NFIB: variants seen among roughly 807,000 people sequenced by gnomAD.
The protein encoded by NFIB is nuclear factor I B.
In NFIB, 11 loss-of-function variants were observed where a neutral mutation model predicts 61.5. The ratio of observed to expected loss-of-function variants is 0.18; its 90% CI spans 0.11 to 0.30. The LOEUF (loss-of-function observed/expected upper bound fraction) is 0.30. Among genes scored for constraint, NFIB ranks in the 10% least tolerant of loss-of-function variants. NFIB has a pLI of 1.00. For synonymous variants in NFIB, 260 were observed against 216.5 expected (o/e 1.20, Z -1.76); for missense variants, 471 against 608.9 (o/e 0.77, Z 2.38).
At chr9:14,090,009 T>C (rs1225423045) in intron 10 of NFIB, among the ~76,000 whole-genome samples, 2 of 151,720 alleles carry the variant, frequency 1.3e-5, no homozygotes, top group Non-Finnish European at 2.9e-5. Flanking sequence ...GTAAAGTACC[T>C]AGCACATGGA....
the NFIB span, among the ~76,000 whole-genome samples, chr9:14,506,590 T>C: frequency 6.6e-6 from 1 of 152,110 alleles, no homozygotes; most frequent in African/African-American, 2.4e-5. Context: ...GGAAAATAAA[T>C]ATGGAGAGAT....
At chr9:14,167,305 G>A (rs2044962458) in intron 3 of NFIB, among the ~76,000 whole-genome samples, 1 of 152,142 alleles carries the variant, frequency 6.6e-6, no homozygotes, top group African/African-American at 2.4e-5. Context: ...CACTCTAGGA[G>A]GCCGAGGCAG....
At chr9:14,452,239 C>A in the NFIB span, among the ~76,000 whole-genome samples, 3,357 of 152,050 alleles carry the variant, frequency 0.022, 48 homozygotes, top group Non-Finnish European at 0.034. Flanking sequence ...GAGGTATGAG[C>A]TACTAAAATT....
At chr9:14,502,180 T>C in the NFIB span, among the ~76,000 whole-genome samples, 1 of 152,214 alleles carries the variant, frequency 6.6e-6, no homozygotes, top group East Asian at 1.9e-4. Flanking sequence ...CACTCTGTAA[T>C]CAAACCCCTT....
chr9:14,504,456 A>T, the NFIB span, among the ~76,000 whole-genome samples: 1 of 152,204 alleles, frequency 6.6e-6, no homozygotes, highest in Non-Finnish European at 1.5e-5. Flanking sequence ...CTACCCATTC[A>T]TGAGCATGGG....
upstream of NFIB, among the ~76,000 whole-genome samples, chr9:14,316,848 A>G (rs925917920): frequency 1.3e-5 from 2 of 152,200 alleles, no homozygotes; most frequent in Admixed American, 6.5e-5. Flanking sequence ...CAAATATTCA[A>G]TTTAACTGGA....
chr9:14,167,083 C>CG (rs71491636), intron 3 of NFIB, among the ~76,000 whole-genome samples: 19,624 of 104,134 alleles, frequency 0.19, 2,827 homozygotes, highest in Middle Eastern at 0.23. Flanking sequence ...GTGTGTGTGT[C>CG]GGGGGGGGGG....
chr9:14,315,706 A>G (rs1407303032), upstream of NFIB, among the ~76,000 whole-genome samples: 1 of 150,674 alleles, frequency 6.6e-6, no homozygotes, highest in Non-Finnish European at 1.5e-5. Flanking sequence ...GATTTTGAAG[A>G]AGGCGGTTCG....
At chr9:14,240,891 A>C (rs1048820179) in intron 2 of NFIB, among the ~76,000 whole-genome samples, 6 of 152,206 alleles carry the variant, frequency 3.9e-5, no homozygotes, top group Non-Finnish European at 8.8e-5. Context: ...TAGCATTGGC[A>C]AGTGACAGCG....
intron 10 of NFIB, among the ~76,000 whole-genome samples, chr9:14,112,596 A>T (rs943198401): frequency 6.6e-6 from 1 of 152,206 alleles, no homozygotes; most frequent in African/African-American, 2.4e-5. Context: ...GGAGCAAAAC[A>T]TCTGGAAAAT....
At chr9:14,330,585 A>G (rs2060808970) in intron 1 of NFIB, among the ~76,000 whole-genome samples, 1 of 152,228 alleles carries the variant, frequency 6.6e-6, no homozygotes, top group South Asian at 2.1e-4. Flanking sequence ...TGCCTAGAAA[A>G]TGGGATTTGA....
At chr9:14,374,361 A>AC (rs1445353857) in intron 1 of NFIB, among the ~76,000 whole-genome samples, 17 of 152,278 alleles carry the variant, frequency 1.1e-4, no homozygotes, top group African/African-American at 3.4e-4. Context: ...TAAATGGGAC[A>AC]CCCCACATGG....
chr9:14,360,548 C>CT (rs545386396), intron 1 of NFIB, among the ~76,000 whole-genome samples: 15,214 of 140,496 alleles, frequency 0.11, 1,259 homozygotes, highest in African/African-American at 0.23. Context: ...CTGTTTTTTT[C>CT]TTTTTTTTTT....
intron 6 of NFIB, among the ~76,000 whole-genome samples, chr9:14,135,035 C>T (rs187269513): frequency 1.1e-4 from 17 of 150,282 alleles, no homozygotes; most frequent in Admixed American, 9.3e-4. Context: ...AGAAATAGAA[C>T]GCACCGAAAT....
intron 2 of NFIB, among the ~76,000 whole-genome samples, chr9:14,242,410 TG>T (rs2054460096): frequency 6.6e-6 from 1 of 152,208 alleles, no homozygotes; most frequent in Non-Finnish European, 1.5e-5. Context: ...AGAAACAGAT[TG>T]GGGATTTAGA....
At chr9:14,232,909 G>A (rs2053357023) in intron 2 of NFIB, among the ~76,000 whole-genome samples, 1 of 152,156 alleles carries the variant, frequency 6.6e-6, no homozygotes, top group African/African-American at 2.4e-5. Flanking sequence ...ATTTGCAGAG[G>A]TCTCTAAAGC....
intron 2 of NFIB, among the ~76,000 whole-genome samples, chr9:14,261,906 G>T (rs932971190): frequency 3.9e-5 from 6 of 152,114 alleles, no homozygotes; most frequent in African/African-American, 1.2e-4. Flanking sequence ...GGCAGATAAG[G>T]GAACTTCAGG....
chr9:14,253,067 T>C (rs1225338934), intron 2 of NFIB, among the ~76,000 whole-genome samples: 1 of 152,226 alleles, frequency 6.6e-6, no homozygotes, highest in African/African-American at 2.4e-5. Flanking sequence ...TTTCATTCAT[T>C]CCATCCATGA....
rs1183976745 is a variant in NFIB, at chr9:14,313,800, G to GGT, written c.-291_-290dup. ...GCTTGCCGAGGCCGCCGCCGCCGCCGGTGTTGGCTGCTTTTCGCCTGGGTT... is the reference window on the plus strand; with the variant it reads ...GCTTGCCGAGGCCGCCGCCGCCGCCGGTGTGTTGGCTGCTTTTCGCCTGGGTT... On this transcript the variant is annotated 5_prime_UTR_variant, in exon 1 of 11. Transcript: ENST00000380953. The surrounding 1 kb of genome is among the most constrained non-coding windows in gnomAD (Gnocchi z 4.5). The GGT allele has an allele frequency of 7.5e-7, 1 of 1,330,602 alleles. No homozygotes were observed. The highest frequency in any genetic ancestry group is 9.6e-7 in the Non-Finnish European group (1 of 1,040,540). 82.4% of individuals were successfully genotyped at this position (1,330,602 alleles called of 1,614,324 possible).
Sources: allele counts gnomAD v4.1 joint callset (sites outside exome capture counted in the v4.1 genomes callset), GRCh38; gene constraint gnomAD v4.1.1; non-coding constraint Gnocchi (gnomAD v3.1); transcripts MANE v1.5; gene names NCBI Gene and HGNC (gene_info 2026-07-23, HGNC 2026-07-21).